ANGPT2: variants seen among roughly 807,000 people sequenced by gnomAD.
ANGPT2 encodes the protein angiopoietin 2, also known as angiopoietin-2.
A neutral mutation model predicts 62.9 loss-of-function variants in ANGPT2; 28 were observed. The observed-to-expected ratio is 0.44, with a 90% confidence interval of 0.33 to 0.61. The LOEUF (loss-of-function observed/expected upper bound fraction) is 0.61. Ranked by LOEUF, ANGPT2 falls within the 20% of genes least tolerant of loss-of-function variation. The pLI is 0.03. For missense variants in ANGPT2, 727 were observed against 594.9 expected, an observed-to-expected ratio of 1.22 and a Z score of -2.31; for synonymous variants, 284 against 207.8, an observed-to-expected ratio of 1.37 and a Z score of -3.15.
At chr8:6,518,881 A>G (rs1340214427) in intron 5 of ANGPT2, among the ~76,000 whole-genome samples, 2 of 152,158 alleles carry the variant, frequency 1.3e-5, no homozygotes, top group African/African-American at 4.8e-5. Flanking sequence ...AATGTTTAAG[A>G]GAAGCCACAT....
At chr8:6,541,711 A>G (rs2129573951) in intron 1 of ANGPT2, among the ~76,000 whole-genome samples, 1 of 152,314 alleles carries the variant, frequency 6.6e-6, no homozygotes, top group Admixed American at 6.5e-5. Flanking sequence ...TTAAAACTGT[A>G]CTGAATGTAG....
intron 1 of ANGPT2, among the ~76,000 whole-genome samples, chr8:6,547,006 T>G (rs1031176321): frequency 6.6e-6 from 1 of 152,142 alleles, no homozygotes; most frequent in South Asian, 2.1e-4. Context: ...ATAACCACGG[T>G]GTACCTCGGA....
chr8:6,530,674 T>C (rs918748622), intron 2 of ANGPT2, among the ~76,000 whole-genome samples: 1 of 152,204 alleles, frequency 6.6e-6, no homozygotes, highest in Non-Finnish European at 1.5e-5. Flanking sequence ...TTATGTAAAA[T>C]ATTTATGTAT....
At chr8:6,550,153 C>A (rs1196378440) in intron 1 of ANGPT2, among the ~76,000 whole-genome samples, 1 of 152,230 alleles carries the variant, frequency 6.6e-6, no homozygotes, top group African/African-American at 2.4e-5. Context: ...GAATCCCTTC[C>A]CCGCACAACC....
At chr8:6,521,124 G>A in intron 4 of ANGPT2, 54 bp downstream of exon 4, 2 of 1,466,350 alleles carry the variant, frequency 1.4e-6, no homozygotes, top group Non-Finnish European at 1.9e-6. Context: ...TCTTTTGAGT[G>A]TTTTACTGAC....
intron 3 of ANGPT2, among the ~76,000 whole-genome samples, chr8:6,522,638 G>A (rs1232456128): frequency 6.6e-6 from 1 of 151,758 alleles, no homozygotes; most frequent in Non-Finnish European, 1.5e-5. Context: ...GCCAAGCGTG[G>A]GGGTACATGA....
In ANGPT2 at chr8:6,499,850, A is replaced by G. The variant is rs928304977; in HGVS notation, c.*3251T>C. The G allele has an allele frequency of 1.2e-6, 2 of 1,612,626 alleles. No individual in the cohort carries two copies. The highest frequency in any genetic ancestry group is 1.7e-6 in the Non-Finnish European group (2 of 1,179,696). ...TAAATCTGCTTGTTGTGTCACTTGC[A>G]GGTGCTATGGTCTTTAGAATTGGGT... On this transcript the variant is annotated 3_prime_UTR_variant, in exon 9 of 9. Transcript: ENST00000629816.
chr8:6,538,309 C>T (rs1315966586), intron 1 of ANGPT2, among the ~76,000 whole-genome samples: 1 of 152,200 alleles, frequency 6.6e-6, no homozygotes, highest in East Asian at 1.9e-4. Context: ...CCCCCATGAT[C>T]CCATCTTCCC....
chr8:6,545,746 T>C (rs1822468720), intron 1 of ANGPT2, among the ~76,000 whole-genome samples: 1 of 152,250 alleles, frequency 6.6e-6, no homozygotes, highest in South Asian at 2.1e-4. Context: ...TTGTTGGATT[T>C]CAGTGGCTTC....
rs548801953 is a variant in ANGPT2, at chr8:6,503,479, C to G, written c.1328-218G>C. Among the ~76,000 whole-genome samples the G allele has an allele frequency of 3.3e-5, 5 of 152,318 alleles. No individual in the cohort carries two copies. In the South Asian group the frequency reaches 8.3e-4, roughly 25 times the overall value. On this transcript the variant is annotated intron_variant, in intron 8 of 8. Coordinates refer to ENST00000629816, the MANE Select transcript of ANGPT2 (RefSeq NM_001118887.2). ...CATTACGGCAAATGCTTTTACAAGCCTTCTTCCACCTTTTCCCTTGTGCTG... is the reference window on the plus strand; with the variant it reads ...CATTACGGCAAATGCTTTTACAAGCGTTCTTCCACCTTTTCCCTTGTGCTG...
intron 5 of ANGPT2, among the ~76,000 whole-genome samples, chr8:6,515,289 G>T (rs144427712): frequency 2.0e-5 from 3 of 152,064 alleles, no homozygotes; most frequent in Non-Finnish European, 2.9e-5. Context: ...TTACATTCTC[G>T]TACTGTGGGG....
At chr8:6,555,618 C>T (rs560820970) in intron 1 of ANGPT2, among the ~76,000 whole-genome samples, 16 of 152,070 alleles carry the variant, frequency 1.1e-4, no homozygotes, top group East Asian at 1.9e-4. Flanking sequence ...TGTACCACCA[C>T]GCCTGGGTGA....
At chr8:6,559,687 C>T (rs1825218588) in intron 1 of ANGPT2, among the ~76,000 whole-genome samples, 1 of 152,052 alleles carries the variant, frequency 6.6e-6, no homozygotes, top group African/African-American at 2.4e-5. Flanking sequence ...AAAAAAAATT[C>T]CTGTGGTCTC....
At chr8:6,536,672 A>C (rs1344873160) in intron 1 of ANGPT2, among the ~76,000 whole-genome samples, 3 of 152,206 alleles carry the variant, frequency 2.0e-5, no homozygotes, top group African/African-American at 7.2e-5. Context: ...TATAAAAATG[A>C]ACATTTCCAA....
intron 1 of ANGPT2, among the ~76,000 whole-genome samples, chr8:6,552,220 C>T (rs1823766854): frequency 6.6e-6 from 1 of 152,124 alleles, no homozygotes; most frequent in Non-Finnish European, 1.5e-5. Flanking sequence ...CTTCTTCTGC[C>T]ATAGAAACAA....
At position 6,517,633 on chromosome 8, in the gene ANGPT2, T is replaced by C. The variant is rs1816516695; in HGVS notation, c.927+2231A>G. Among the ~76,000 whole-genome samples the C allele has an allele frequency of 2.6e-5, 4 of 152,316 alleles. No individual in the cohort carries two copies. In the South Asian group the frequency reaches 8.3e-4, roughly 32 times the overall value. On this transcript the variant is annotated intron_variant, in intron 5 of 8. Transcript: ENST00000629816. ...TGGTAGTCTTTGAAGGCAGTGAAAATGGTGACCACTACCATTTACTGTCCC... is the reference window on the plus strand; with the variant it reads ...TGGTAGTCTTTGAAGGCAGTGAAAACGGTGACCACTACCATTTACTGTCCC...
At chr8:6,550,234 G>A (rs991972216) in intron 1 of ANGPT2, among the ~76,000 whole-genome samples, 1 of 152,262 alleles carries the variant, frequency 6.6e-6, no homozygotes, top group African/African-American at 2.4e-5. Context: ...TGGCTGCGAA[G>A]GGTGGCGGCG....
chr8:6,503,086 G>C lies in ANGPT2; in HGVS notation c.*15C>G. On this transcript the variant is annotated 3_prime_UTR_variant, in exon 9 of 9. Transcript: ENST00000629816. Reference sequence around the variant, plus strand: ...GAAAATAGTTCGAGACAGTTCCTCAGGTGGACTGGGATGTTTAGAAATCTG... The same window carrying C: ...GAAAATAGTTCGAGACAGTTCCTCACGTGGACTGGGATGTTTAGAAATCTG... 3 of 1,614,048 alleles carry C rather than the reference G, an allele frequency of 1.9e-6. No homozygotes were observed. Among genetic ancestry groups the C allele is most frequent in the Non-Finnish European group, 1.7e-6 (2 of 1,179,956 alleles).
intron 7 of ANGPT2, among the ~76,000 whole-genome samples, chr8:6,512,430 G>A (rs1369437739): frequency 2.0e-5 from 3 of 152,190 alleles, no homozygotes; most frequent in African/African-American, 7.2e-5. Flanking sequence ...GTCAGATGAT[G>A]ACTGTTTTTG....
Sources: gnomAD v4.1 joint callset for allele counts (sites outside exome capture counted in the v4.1 genomes callset) on GRCh38, gnomAD v4.1.1 for gene constraint, MANE v1.5 for transcripts, NCBI Gene and HGNC (gene_info 2026-07-23, HGNC 2026-07-21) for gene names.